Variants in TPST1 observed in about 807,000 individuals in gnomAD.
TPST1 encodes protein-tyrosine sulfotransferase 1.
A neutral mutation model predicts 34.8 loss-of-function variants in TPST1; 20 were observed. The ratio of observed to expected loss-of-function variants is 0.57; its 90% CI spans 0.40 to 0.84. The LOEUF is 0.84. TPST1 is among the 40% of genes least tolerant of loss of function. TPST1 has a pLI of 0.00. For synonymous variants in TPST1, 152 were observed against 159.4 expected (o/e 0.95, Z 0.35); for missense variants, 353 against 455.5 (o/e 0.78, Z 2.05).
chr7:66,285,094 T>TA (rs977745639), intron 2 of TPST1, among the ~76,000 whole-genome samples: 1 of 152,190 alleles, frequency 6.6e-6, no homozygotes, highest in Non-Finnish European at 1.5e-5. Context: ...AGTCATGACA[T>TA]ACAAGACTCT....
intron 2 of TPST1, among the ~76,000 whole-genome samples, chr7:66,245,070 A>G (rs148807458): frequency 1.1e-3 from 160 of 152,334 alleles, no homozygotes; most frequent in African/African-American, 3.5e-3. Context: ...GGTTTTTGGA[A>G]ATGGAGACAT....
At chr7:66,217,028 A>C (rs1043428932) in intron 1 of TPST1, among the ~76,000 whole-genome samples, 4 of 151,736 alleles carry the variant, frequency 2.6e-5, no homozygotes, top group Admixed American at 1.3e-4. Context: ...TTGTTTTTTA[A>C]TTTTATTTCA....
At chr7:66,284,495 A>T (rs531959469) in intron 2 of TPST1, among the ~76,000 whole-genome samples, 3 of 151,412 alleles carry the variant, frequency 2.0e-5, no homozygotes, top group African/African-American at 4.9e-5. Flanking sequence ...TTAATTAATC[A>T]TAGACTCCTT....
At chr7:66,313,469 T>C (rs1791572876) in intron 3 of TPST1, among the ~76,000 whole-genome samples, 1 of 152,178 alleles carries the variant, frequency 6.6e-6, no homozygotes, top group Non-Finnish European at 1.5e-5. Flanking sequence ...TACAAAATTT[T>C]CTTTTGCAAA....
intron 2 of TPST1, among the ~76,000 whole-genome samples, chr7:66,252,800 G>A (rs1790295223): frequency 6.6e-6 from 1 of 151,878 alleles, no homozygotes; most frequent in African/African-American, 2.4e-5. Context: ...CATACTCTGA[G>A]GTCATAAAAA....
chr7:66,320,601 G>GT (rs565370599), intron 3 of TPST1, among the ~76,000 whole-genome samples: 49 of 149,806 alleles, frequency 3.3e-4, no homozygotes, highest in African/African-American at 1.2e-3. Flanking sequence ...TGTAGTCATA[G>GT]TTTTTTTTGT....
At chr7:66,265,854 C>T (rs1790583168) in intron 2 of TPST1, among the ~76,000 whole-genome samples, 1 of 152,114 alleles carries the variant, frequency 6.6e-6, no homozygotes, top group Admixed American at 6.6e-5. Flanking sequence ...TACTCACATC[C>T]CTGAAAGGAA....
chr7:66,206,242 G>A (rs895377732), intron 1 of TPST1, among the ~76,000 whole-genome samples: 4 of 151,452 alleles, frequency 2.6e-5, no homozygotes, highest in Admixed American at 2.0e-4. Flanking sequence ...ACAGGCGTGA[G>A]CCACTGCGCC....
chr7:66,344,957 C>G (rs1281767778), intron 3 of TPST1, among the ~76,000 whole-genome samples: 1 of 150,422 alleles, frequency 6.6e-6, no homozygotes, highest in Non-Finnish European at 1.5e-5. Flanking sequence ...ATCTCCTGAC[C>G]TTGTGATCCG....
At chr7:66,300,565 A>G (rs550864876) in intron 3 of TPST1, among the ~76,000 whole-genome samples, 1 of 152,330 alleles carries the variant, frequency 6.6e-6, no homozygotes, top group East Asian at 1.9e-4. Context: ...CCCTTTCCAG[A>G]AGGTTTGCAG....
chr7:66,311,168 G>T (rs1028789586), intron 3 of TPST1, among the ~76,000 whole-genome samples: 1 of 150,582 alleles, frequency 6.6e-6, no homozygotes, highest in Non-Finnish European at 1.5e-5. Context: ...TTCACTCTTC[G>T]CTCTGTTGCC....
At chr7:66,325,539 G>A (rs754400528) in intron 3 of TPST1, among the ~76,000 whole-genome samples, 1 of 151,616 alleles carries the variant, frequency 6.6e-6, no homozygotes, top group African/African-American at 2.4e-5. Context: ...GGCTGGTCTC[G>A]AACTCCTGGC....
intron 1 of TPST1, among the ~76,000 whole-genome samples, chr7:66,229,834 T>A (rs1368596197): frequency 6.6e-6 from 1 of 152,142 alleles, no homozygotes; most frequent in African/African-American, 2.4e-5. Flanking sequence ...AGTGATTTTT[T>A]AAAACAGTAT....
chr7:66,354,522 C>CAAAAAAA (rs66521537), intron 4 of TPST1, among the ~76,000 whole-genome samples: 11 of 60,790 alleles, frequency 1.8e-4, no homozygotes, highest in East Asian at 9.8e-4. Context: ...GAGTCTGTCT[C>CAAAAAAA]AAAAAAAAAA....
chr7:66,318,744 G>T (rs1311865288), intron 3 of TPST1, among the ~76,000 whole-genome samples: 8 of 152,172 alleles, frequency 5.3e-5, no homozygotes, highest in Non-Finnish European at 1.2e-4. Flanking sequence ...GAGTATAGGC[G>T]TGAGCCACCA....
Position 66,211,423 on chromosome 7 carries a change from G to T in TPST1, c.-102+5901G>T, listed in dbSNP as rs1465885184. 2.6e-5 allele frequency among the ~76,000 whole-genome samples: 4 copies of T among 152,224 alleles called. No homozygotes were observed. In the Middle Eastern group the frequency reaches 0.01, roughly 388 times the overall value. On this transcript the variant is annotated intron_variant, in intron 1 of 5. Transcript: ENST00000304842. ...TGGGATTACAGGTGTGAGCCACCACGCCCGGCTGGTCCATTTTTATAGCTA... is the reference window on the plus strand; with the variant it reads ...TGGGATTACAGGTGTGAGCCACCACTCCCGGCTGGTCCATTTTTATAGCTA...
At chr7:66,338,389 G>A (rs1367112204) in intron 3 of TPST1, among the ~76,000 whole-genome samples, 1 of 152,008 alleles carries the variant, frequency 6.6e-6, no homozygotes, top group Non-Finnish European at 1.5e-5. Flanking sequence ...TAATACTAGG[G>A]AACATCCACA....
intron 1 of TPST1, among the ~76,000 whole-genome samples, chr7:66,227,027 G>GTTTTTTTT (rs1390977469): frequency 7.2e-4 from 33 of 45,990 alleles, no homozygotes; most frequent in African/African-American, 1.7e-3. Context: ...CTTAAAATAA[G>GTTTTTTTT]CTTTTTTTTT....
At chr7:66,331,204 G>C (rs1791989447) in intron 3 of TPST1, among the ~76,000 whole-genome samples, 1 of 152,190 alleles carries the variant, frequency 6.6e-6, no homozygotes, top group South Asian at 2.1e-4. Flanking sequence ...AACCAAGCAA[G>C]AGAGCAAGAT....
Sources: gnomAD v4.1 joint callset for allele counts (sites outside exome capture counted in the v4.1 genomes callset) on GRCh38, gnomAD v4.1.1 for gene constraint, MANE v1.5 for transcripts, NCBI Gene and HGNC (gene_info 2026-07-23, HGNC 2026-07-21) for gene names.